The following ASPRV1 variants were observed in gnomAD, a reference collection of about 807,000 sequenced individuals.
The protein encoded by ASPRV1 is aspartic peptidase retroviral like 1.
In ASPRV1, 7 loss-of-function variants were observed where a neutral mutation model predicts 11.0. That is an observed-to-expected ratio of 0.64 (90% confidence interval 0.36 to 1.20). The LOEUF (loss-of-function observed/expected upper bound fraction) is 1.20, where lower values mean the gene tolerates loss of function less well. ASPRV1 is among the 50% of genes most tolerant of loss of function. The probability of loss-of-function intolerance (pLI) is 0.02; values close to 1 mark genes in which losing one functional copy is unlikely to be tolerated. For synonymous variants in ASPRV1, 136 were observed against 138.4 expected (o/e 0.98, Z 0.12); for missense variants, 299 against 320.0 (o/e 0.93, Z 0.50).
the ASPRV1 span, among the ~76,000 whole-genome samples, chr2:69,945,122 G>A: frequency 2.6e-5 from 4 of 152,214 alleles, no homozygotes; most frequent in African/African-American, 7.2e-5. Flanking sequence ...TAGGCCTGTC[G>A]TCCCAGCTGC....
At chr2:70,081,264 T>C in the ASPRV1 span, 2 of 152,112 alleles carry the variant, frequency 1.3e-5, no homozygotes, top group Middle Eastern at 3.2e-3. Context: ...TTATGAGAAA[T>C]AAAGCTCTCC....
chr2:70,015,237 G>T, the ASPRV1 span, among the ~76,000 whole-genome samples: 1 of 152,192 alleles, frequency 6.6e-6, no homozygotes, highest in East Asian at 1.9e-4. Flanking sequence ...ACCAAAGAGA[G>T]CAGGGGTAGC....
At chr2:69,969,623 C>T in the ASPRV1 span, among the ~76,000 whole-genome samples, 22 of 152,282 alleles carry the variant, frequency 1.4e-4, no homozygotes, top group East Asian at 4.3e-3. Context: ...AGGGACACCC[C>T]TCTCTGCACC....
At chr2:70,058,545 G>C in the ASPRV1 span, among the ~76,000 whole-genome samples, 1 of 150,768 alleles carries the variant, frequency 6.6e-6, no homozygotes, top group African/African-American at 2.4e-5. Context: ...CCTTTACTCT[G>C]AAGAAATTTT....
upstream of ASPRV1, among the ~76,000 whole-genome samples, chr2:69,965,925 G>A (rs1037246743): frequency 6.6e-6 from 1 of 152,238 alleles, no homozygotes; most frequent in African/African-American, 2.4e-5. Context: ...GCTTGCCACT[G>A]TTCCAGAACC....
chr2:69,937,439 A>C, the ASPRV1 span: 2 of 1,500,864 alleles, frequency 1.3e-6, no homozygotes, highest in Middle Eastern at 1.8e-4. Flanking sequence ...GTGCTCCCCA[A>C]CCCCAGAGCA....
the ASPRV1 span, among the ~76,000 whole-genome samples, chr2:70,064,750 A>G: frequency 6.6e-6 from 1 of 152,210 alleles, no homozygotes; most frequent in South Asian, 2.1e-4. Flanking sequence ...AGTATTGTCA[A>G]TAATGTGTCA....
the ASPRV1 span, among the ~76,000 whole-genome samples, chr2:69,999,680 AC>A: frequency 6.9e-6 from 1 of 145,814 alleles, no homozygotes; most frequent in Non-Finnish European, 1.5e-5. Flanking sequence ...AAAAAAAAAG[AC>A]AGAAACCAGC....
the ASPRV1 span, among the ~76,000 whole-genome samples, chr2:70,002,765 C>T: frequency 6.6e-6 from 1 of 152,150 alleles, no homozygotes; most frequent in African/African-American, 2.4e-5. Flanking sequence ...CTGTTGGAGG[C>T]CTCTTCTGAG....
At chr2:70,049,446 T>A in the ASPRV1 span, 1 of 152,260 alleles carries the variant, frequency 6.6e-6, no homozygotes, top group East Asian at 1.9e-4. Context: ...TCCCTCCATT[T>A]TGAGTCAGAG....
At chr2:69,994,841 C>CAA in the ASPRV1 span, among the ~76,000 whole-genome samples, 2 of 142,028 alleles carry the variant, frequency 1.4e-5, no homozygotes, top group East Asian at 2.0e-4. Context: ...ATTAAAAATA[C>CAA]AAAAAAAAAA....
the ASPRV1 span, among the ~76,000 whole-genome samples, chr2:70,055,092 C>T: frequency 6.6e-6 from 1 of 152,130 alleles, no homozygotes; most frequent in Admixed American, 6.5e-5. Flanking sequence ...TACCTGAGGT[C>T]AGGAGTTTGA....
chr2:70,052,693 G>C, the ASPRV1 span, among the ~76,000 whole-genome samples: 1 of 152,150 alleles, frequency 6.6e-6, no homozygotes, highest in Non-Finnish European at 1.5e-5. Context: ...GTGTGAAAAA[G>C]GGACATAAGA....
chr2:70,075,249 C>G, the ASPRV1 span: 1 of 148,606 alleles, frequency 6.7e-6, no homozygotes, highest in Non-Finnish European at 1.5e-5. Context: ...GCTGGGACTA[C>G]AGGCGCCTGC....
the ASPRV1 span, among the ~76,000 whole-genome samples, chr2:70,021,320 C>CT: frequency 0.012 from 1,651 of 137,598 alleles, 26 homozygotes; most frequent in African/African-American, 0.033. Flanking sequence ...TGAATAAATT[C>CT]TTTTTTTTTT....
At chr2:69,994,733 T>C in the ASPRV1 span, among the ~76,000 whole-genome samples, 4 of 152,022 alleles carry the variant, frequency 2.6e-5, no homozygotes, top group African/African-American at 7.2e-5. Flanking sequence ...TGCAGTGGCT[T>C]ATGCCTGTAA....
the ASPRV1 span, among the ~76,000 whole-genome samples, chr2:70,024,496 C>G: frequency 0.01 from 1,543 of 152,262 alleles, 38 homozygotes; most frequent in African/African-American, 0.036. Context: ...CAGGGCTGAG[C>G]CAGGATGCCA....
At chr2:70,034,760 T>C in the ASPRV1 span, 1 of 152,112 alleles carries the variant, frequency 6.6e-6, no homozygotes, top group Admixed American at 6.5e-5. Flanking sequence ...TGTCAGGAGC[T>C]TCTTCCAAAG....
At chr2:69,974,380 T>C in the ASPRV1 span, among the ~76,000 whole-genome samples, 1 of 152,170 alleles carries the variant, frequency 6.6e-6, no homozygotes, top group Non-Finnish European at 1.5e-5. Context: ...TTTGAAAATT[T>C]ATTATTTTTG....
Sources: gnomAD v4.1 joint callset for allele counts (sites outside exome capture counted in the v4.1 genomes callset) on GRCh38, gnomAD v4.1.1 for gene constraint, MANE v1.5 for transcripts, NCBI Gene and HGNC (gene_info 2026-07-23, HGNC 2026-07-21) for gene names.